The following ZNF362 variants were observed in gnomAD, a reference collection of about 807,000 sequenced individuals.
The protein encoded by ZNF362 is rotund homolog.
A neutral mutation model predicts 42.9 loss-of-function variants in ZNF362; 11 were observed. The observed-to-expected ratio is 0.26, with a 90% CI of 0.16 to 0.42. ZNF362 has a LOEUF of 0.42. ZNF362 is among the 20% of genes least tolerant of loss of function. The pLI, the probability that ZNF362 is intolerant of heterozygous loss-of-function variation, is 1.00. For synonymous variants in ZNF362, 255 were observed against 257.3 expected (o/e 0.99, Z 0.09); for missense variants, 362 against 576.2 (o/e 0.63, Z 3.81).
the ZNF362 span, among the ~76,000 whole-genome samples, chr1:33,241,753 G>A: frequency 6.6e-6 from 1 of 152,102 alleles, no homozygotes; most frequent in African/African-American, 2.4e-5. Flanking sequence ...AGAAATAAAA[G>A]GGAAATATTA....
chr1:33,164,687 G>A, the ZNF362 span: 2 of 152,268 alleles, frequency 1.3e-5, no homozygotes, highest in Non-Finnish European at 2.9e-5. Flanking sequence ...TGAGCTTAAG[G>A]GGAGATGATA....
At position 33,266,936 on chromosome 1, in the gene ZNF362, A is replaced by G. The variant is rs1280393600; in HGVS notation, c.-88-3551A>G. On this transcript the variant is annotated intron_variant, in intron 1 of 8. Transcript: ENST00000539719. This position sits in a 1 kb window ranked among gnomAD's most constrained non-coding sequence, Gnocchi z 4.3. ...ATACCCCAAAAGTGATGGGAATCCA[A>G]GAAGGATTTTAAGCGGTAGACTTAG... Among the ~76,000 whole-genome samples, 3 of 152,160 alleles carry G rather than the reference A, an allele frequency of 2.0e-5. No homozygotes were observed. Among genetic ancestry groups the G allele is most frequent in the African/African-American group, 7.2e-5 (3 of 41,456 alleles).
chr1:33,170,972 C>A, the ZNF362 span, among the ~76,000 whole-genome samples: 1 of 152,200 alleles, frequency 6.6e-6, no homozygotes, highest in Admixed American at 6.5e-5. Context: ...GTATGCGGCT[C>A]CCTAGTCGCT....
chr1:33,230,390 GTAA>G, the ZNF362 span, among the ~76,000 whole-genome samples: 1 of 152,174 alleles, frequency 6.6e-6, no homozygotes, highest in East Asian at 1.9e-4. Flanking sequence ...AGCAGGTGTA[GTAA>G]TAACATGATA....
At chr1:33,271,252 C>T (rs748446188) in intron 2 of ZNF362, among the ~76,000 whole-genome samples, 1 of 152,216 alleles carries the variant, frequency 6.6e-6, no homozygotes, top group South Asian at 2.1e-4. Flanking sequence ...CAGGCAACAC[C>T]GAACGCTCGT....
Position 33,281,321 on chromosome 1 carries a change from C to T in ZNF362, c.684-266C>T, listed in dbSNP as rs1314632866. On this transcript the variant is annotated intron_variant, in intron 5 of 8. Transcript: ENST00000539719. The surrounding 1 kb of genome is among the most constrained non-coding windows in gnomAD (Gnocchi z 4.8). ...TGGGATATAGCCCTGGGCAAACCCT[C>T]ACCAGGATCAGGCCTGTCTTCCCTA... is the stretch of plus-strand genomic sequence containing the variant. Among the ~76,000 whole-genome samples, 1 of 152,162 alleles carries T rather than the reference C, an allele frequency of 6.6e-6. No homozygotes were observed. Among genetic ancestry groups the T allele is most frequent in the East Asian group, 1.9e-4 (1 of 5,190 alleles).
Position 33,299,334 on chromosome 1 carries a change from GT to G in ZNF362, c.*301del, listed in dbSNP as rs35161004. On this transcript the variant is annotated 3_prime_UTR_variant, in exon 9 of 9. Transcript: ENST00000539719. ...TTCCCCACCCTTCACTTGCTTCACT[GT>G]TTTTTTTTTTTTCGTTTTTTTTTTT... is the stretch of plus-strand genomic sequence containing the variant. 0.2 allele frequency: 30,164 copies of G among 153,986 alleles called. 2,599 individuals carry two copies. Among genetic ancestry groups the G allele is most frequent in the South Asian group, 0.29 (1,319 of 4,610 alleles). 9.5% of individuals were successfully genotyped at this position (153,986 alleles called of 1,614,324 possible).
At chr1:33,284,201 G>A (rs920851750) in intron 6 of ZNF362, among the ~76,000 whole-genome samples, 2 of 152,190 alleles carry the variant, frequency 1.3e-5, no homozygotes, top group Non-Finnish European at 2.9e-5. Context: ...CTTAAAGGCT[G>A]AAATTCCACA....
rs1301104165 is a variant in ZNF362 at position 33,281,294 on chromosome 1, C to T, written c.684-293C>T. ...CGTGGTAGCGCCTCCTGCCCAGAAC[C>T]GTGGGATATAGCCCTGGGCAAACCC... On this transcript the variant is annotated intron_variant, in intron 5 of 8. Coordinates refer to ENST00000539719, the MANE Select transcript of ZNF362 (RefSeq NM_152493.3). The surrounding 1 kb of genome is among the most constrained non-coding windows in gnomAD (Gnocchi z 4.8). Among the ~76,000 whole-genome samples the T allele has an allele frequency of 1.3e-5, 2 of 152,130 alleles. No individual in the cohort carries two copies. The highest frequency in any genetic ancestry group is 2.9e-5 in the Non-Finnish European group (2 of 68,022).
chr1:33,176,072 A>G, the ZNF362 span, among the ~76,000 whole-genome samples: 1 of 152,178 alleles, frequency 6.6e-6, no homozygotes, highest in Non-Finnish European at 1.5e-5. Flanking sequence ...CTTTGCCCTC[A>G]CAGAGGCTGC....
intron 8 of ZNF362, among the ~76,000 whole-genome samples, chr1:33,296,872 G>A (rs1161120578): frequency 1.4e-5 from 2 of 139,948 alleles, no homozygotes; most frequent in Non-Finnish European, 3.1e-5. Flanking sequence ...GTCTTGCTAT[G>A]TTGCCCAGGC....
the ZNF362 span, among the ~76,000 whole-genome samples, chr1:33,128,725 A>G: frequency 7.9e-5 from 12 of 152,228 alleles, no homozygotes; most frequent in South Asian, 1.0e-3. Flanking sequence ...GTGAGGTCCT[A>G]TAACTTGTCT....
chr1:33,128,203 CAAAAAA>C, the ZNF362 span, among the ~76,000 whole-genome samples: 7 of 83,704 alleles, frequency 8.4e-5, no homozygotes, highest in Non-Finnish European at 1.5e-4. Context: ...CCCACCTCTC[CAAAAAA>C]AAAAAAAAAA....
At chr1:33,231,026 T>C in the ZNF362 span, among the ~76,000 whole-genome samples, 2 of 152,240 alleles carry the variant, frequency 1.3e-5, no homozygotes, top group Admixed American at 6.5e-5. Flanking sequence ...TTATGATTAA[T>C]TTCAAAAGAA....
At chr1:33,147,448 A>G in the ZNF362 span, 2 of 1,613,996 alleles carry the variant, frequency 1.2e-6, no homozygotes, top group Non-Finnish European at 1.7e-6. The surrounding 1 kb of genome is among the most constrained non-coding windows in gnomAD (Gnocchi z 8.1). Context: ...GATGCAGTAG[A>G]AGCCGCGGCT....
chr1:33,275,301 C>A, intron 2 of ZNF362: 5 of 985,414 alleles, frequency 5.1e-6, no homozygotes, highest in Non-Finnish European at 6.0e-6. Context: ...GCCTTCTAAC[C>A]GCACAGGCCT....
intron 4 of ZNF362, among the ~76,000 whole-genome samples, chr1:33,277,786 G>A (rs6671480): frequency 0.058 from 8,848 of 152,268 alleles, 353 homozygotes; most frequent in African/African-American, 0.12. Context: ...GGAAAGATGT[G>A]AGCTCAGTCT....
the ZNF362 span, among the ~76,000 whole-genome samples, chr1:33,194,125 A>C: frequency 1.3e-5 from 2 of 152,248 alleles, no homozygotes; most frequent in African/African-American, 4.8e-5. Context: ...TGTTTTAAAG[A>C]GTAGATTAGA....
At chr1:33,228,531 T>G in the ZNF362 span, among the ~76,000 whole-genome samples, 1 of 152,182 alleles carries the variant, frequency 6.6e-6, no homozygotes, top group East Asian at 1.9e-4. Context: ...TCAGGCAGTC[T>G]TTCCCTTCTT....
Sources: gnomAD v4.1 joint callset for allele counts (sites outside exome capture counted in the v4.1 genomes callset) on GRCh38, gnomAD v4.1.1 for gene constraint, Gnocchi (gnomAD v3.1) non-coding constraint, MANE v1.5 for transcripts, NCBI Gene and HGNC (gene_info 2026-07-23, HGNC 2026-07-21) for gene names.